The following SKA2 variants were observed in gnomAD, a reference collection of about 807,000 sequenced individuals.
The protein encoded by SKA2 is spindle and kinetochore associated complex subunit 2, also known as spindle and kinetochore-associated protein 2.
In SKA2, 13 loss-of-function variants were observed where a neutral mutation model predicts 16.9. That is an observed-to-expected ratio of 0.77 (90% CI 0.50 to 1.22). The LOEUF is 1.22. Among genes scored for constraint, SKA2 ranks in the 50% most tolerant of loss-of-function variants. The pLI is 0.00. For synonymous variants in SKA2, 47 were observed against 48.5 expected, an observed-to-expected ratio of 0.97 and a Z score of 0.13; for missense variants, 107 against 139.7, an observed-to-expected ratio of 0.77 and a Z score of 1.18.
intron 1 of SKA2, among the ~76,000 whole-genome samples, chr17:59,153,534 A>T (rs1308451837): frequency 2.0e-5 from 3 of 152,154 alleles, no homozygotes; most frequent in Non-Finnish European, 4.4e-5. Context: ...CCAATTCATT[A>T]GCACAACAGA....
chr17:59,146,130 A>G (rs1338735492), intron 1 of SKA2, among the ~76,000 whole-genome samples: 1 of 152,214 alleles, frequency 6.6e-6, no homozygotes, highest in Non-Finnish European at 1.5e-5. Context: ...TTAAAAAGTT[A>G]TATTTATTTT....
intron 1 of SKA2, among the ~76,000 whole-genome samples, chr17:59,145,029 C>T (rs1204291770): frequency 1.3e-5 from 2 of 152,074 alleles, no homozygotes; most frequent in Non-Finnish European, 2.9e-5. Context: ...AACTCCTGAC[C>T]GCAGATGATC....
At chr17:59,138,708 A>G (rs567908636) in intron 1 of SKA2, among the ~76,000 whole-genome samples, 8 of 152,102 alleles carry the variant, frequency 5.3e-5, no homozygotes, top group Non-Finnish European at 1.0e-4. Context: ...CTGGGATTAC[A>G]GGCATGAGCC....
intron 1 of SKA2, among the ~76,000 whole-genome samples, chr17:59,154,326 C>T (rs1599684681): frequency 6.6e-6 from 1 of 152,168 alleles, no homozygotes; most frequent in East Asian, 1.9e-4. Context: ...AAGTGAGGGA[C>T]GGATCCTTAA....
At chr17:59,130,661 A>G (rs527592120) in intron 2 of SKA2, among the ~76,000 whole-genome samples, 189 of 151,954 alleles carry the variant, frequency 1.2e-3, no homozygotes, top group Non-Finnish European at 1.9e-3. Flanking sequence ...ATTAAGCCTG[A>G]TACCTGGGCT....
intron 2 of SKA2, among the ~76,000 whole-genome samples, chr17:59,119,720 C>G (rs923267183): frequency 1.3e-5 from 2 of 151,764 alleles, no homozygotes; most frequent in African/African-American, 4.8e-5. Context: ...CAGAAATAAC[C>G]CACCAAAAAA....
intron 3 of SKA2, among the ~76,000 whole-genome samples, chr17:59,112,583 A>T (rs1191363726): frequency 6.6e-6 from 1 of 152,246 alleles, no homozygotes; most frequent in Non-Finnish European, 1.5e-5. Flanking sequence ...CCAAGAAATC[A>T]AACAATTTAA....
At chr17:59,139,396 CAAAAAAAAA>C (rs113246125) in intron 1 of SKA2, among the ~76,000 whole-genome samples, 1 of 50,326 alleles carries the variant, frequency 2.0e-5, no homozygotes, top group Non-Finnish European at 4.7e-5. Context: ...GACTCCGTCT[CAAAAAAAAA>C]AAAAAAAAAA....
chr17:59,118,592 C>A (rs1021927430), intron 3 of SKA2, among the ~76,000 whole-genome samples: 2 of 151,808 alleles, frequency 1.3e-5, no homozygotes, highest in South Asian at 4.2e-4. Context: ...CATATACATA[C>A]TTTTTTTTGC....
chr17:59,120,650 C>G (rs2046326297), intron 2 of SKA2, among the ~76,000 whole-genome samples: 1 of 152,082 alleles, frequency 6.6e-6, no homozygotes, highest in Non-Finnish European at 1.5e-5. Context: ...TAAATTTTCG[C>G]AGGATAGAAA....
chr17:59,132,952 G>A (rs12945875), intron 1 of SKA2, among the ~76,000 whole-genome samples: 12,159 of 152,242 alleles, frequency 0.08, 610 homozygotes, highest in Middle Eastern at 0.18. Flanking sequence ...AAGTTGAGAT[G>A]GATATATGAC....
chr17:59,139,996 C>T (rs1404287743), intron 1 of SKA2, among the ~76,000 whole-genome samples: 3 of 152,180 alleles, frequency 2.0e-5, no homozygotes, highest in African/African-American at 7.2e-5. Flanking sequence ...CTAAGGACCA[C>T]TTATATCATG....
At chr17:59,125,391 C>G (rs1284009087) in intron 2 of SKA2, among the ~76,000 whole-genome samples, 1 of 151,612 alleles carries the variant, frequency 6.6e-6, no homozygotes, top group Non-Finnish European at 1.5e-5. Context: ...TTTTAGTTAT[C>G]ATGAGTGGAT....
intron 2 of SKA2, among the ~76,000 whole-genome samples, chr17:59,121,164 A>AG (rs2046331022): frequency 6.6e-6 from 1 of 151,826 alleles, no homozygotes; most frequent in South Asian, 2.1e-4. Flanking sequence ...AAAAAAAAAA[A>AG]AAAGAAAAAG....
intron 1 of SKA2, among the ~76,000 whole-genome samples, chr17:59,135,629 T>A (rs1469665367): frequency 1.3e-5 from 2 of 151,922 alleles, no homozygotes; most frequent in Non-Finnish European, 2.9e-5. Context: ...ACTGTCAAGA[T>A]TTTTTGCAAG....
chr17:59,131,216 T>A, intron 2 of SKA2, 65 bp downstream of exon 2: 1 of 1,042,350 alleles, frequency 9.6e-7, no homozygotes, highest in Non-Finnish European at 1.4e-6. Context: ...AGGAATGCTA[T>A]CAGAAAATTC....
At position 59,112,269 on chromosome 17, in the gene SKA2, C is replaced by G; in HGVS notation, c.*8G>C. 6.2e-7 allele frequency: 1 copy of G among 1,606,908 alleles called. No individual in the cohort carries two copies. The highest frequency in any genetic ancestry group is 1.1e-5 in the South Asian group (1 of 90,096). On this transcript the variant is annotated 3_prime_UTR_variant, in exon 4 of 4. Transcript: ENST00000330137. Reference sequence around the variant, plus strand: ...CTCTGTTAGAATTTCCTTTCCAAGTCCATTTCTTCATAAATCTGGCATGTG... The same window carrying G: ...CTCTGTTAGAATTTCCTTTCCAAGTGCATTTCTTCATAAATCTGGCATGTG...
At chr17:59,123,170 C>T (rs1244891261) in intron 2 of SKA2, among the ~76,000 whole-genome samples, 2 of 148,298 alleles carry the variant, frequency 1.3e-5, no homozygotes, top group Non-Finnish European at 3.0e-5. Flanking sequence ...AAAAGAGTTA[C>T]AGAAATTGTG....
At chr17:59,135,665 A>C (rs2046439625) in intron 1 of SKA2, among the ~76,000 whole-genome samples, 1 of 151,880 alleles carries the variant, frequency 6.6e-6, no homozygotes. Flanking sequence ...AGGCATCATT[A>C]CAAATTAAAT....
Sources: gnomAD v4.1 joint callset for allele counts (sites outside exome capture counted in the v4.1 genomes callset) on GRCh38, gnomAD v4.1.1 for gene constraint, MANE v1.5 for transcripts, NCBI Gene and HGNC (gene_info 2026-07-23, HGNC 2026-07-21) for gene names.